The following PCDH7 variants were observed in gnomAD, a reference collection of about 807,000 sequenced individuals.
PCDH7 encodes the protein protocadherin-7.
A neutral mutation model predicts 58.9 loss-of-function variants in PCDH7; 17 were observed. The observed-to-expected ratio is 0.29, with a 90% CI of 0.20 to 0.43. PCDH7 has a LOEUF of 0.43. PCDH7 is among the 20% of genes least tolerant of loss of function. The probability of loss-of-function intolerance (pLI) is 1.00; values close to 1 mark genes in which losing one functional copy is unlikely to be tolerated. For missense variants in PCDH7, 1,274 were observed against 1,441.0 expected (o/e 0.88, Z 1.88); for synonymous variants, 664 against 616.4 (o/e 1.08, Z -1.14).
chr4:30,921,594 A>C (rs1336905141), intron 2 of PCDH7, among the ~76,000 whole-genome samples: 1 of 152,072 alleles, frequency 6.6e-6, no homozygotes, highest in East Asian at 1.9e-4. Flanking sequence ...TCAGGGTCTG[A>C]TGATTGACGT....
chr4:31,082,201 C>G (rs945994016), intron 3 of PCDH7, among the ~76,000 whole-genome samples: 10 of 152,158 alleles, frequency 6.6e-5, no homozygotes, highest in African/African-American at 2.4e-4. Context: ...GATACAAGTG[C>G]TAAGTGAATC....
intron 1 of PCDH7, among the ~76,000 whole-genome samples, chr4:30,738,311 G>A (rs1040810617): frequency 6.6e-6 from 1 of 151,614 alleles, no homozygotes; most frequent in Non-Finnish European, 1.5e-5. Flanking sequence ...TCCATTCCTG[G>A]GAAAGTACGC....
At chr4:30,821,019 A>G (rs1243066798) in intron 1 of PCDH7, among the ~76,000 whole-genome samples, 1 of 152,198 alleles carries the variant, frequency 6.6e-6, no homozygotes, top group African/African-American at 2.4e-5. Flanking sequence ...CACAATGTAC[A>G]ACACCTCTTG....
At chr4:30,889,137 C>CAAA (rs371917620) in intron 1 of PCDH7, among the ~76,000 whole-genome samples, 4 of 49,966 alleles carry the variant, frequency 8.0e-5, no homozygotes, top group East Asian at 7.1e-4. Context: ...GCAGATATCT[C>CAAA]AAAAAAAAAA....
At chr4:31,142,216 A>G (rs1720347795) in intron 3 of PCDH7, among the ~76,000 whole-genome samples, 1 of 152,082 alleles carries the variant, frequency 6.6e-6, no homozygotes. Flanking sequence ...ACACACATAT[A>G]TCTGTTTCAT....
intron 1 of PCDH7, among the ~76,000 whole-genome samples, chr4:30,893,951 C>T (rs1387175518): frequency 6.6e-6 from 1 of 152,020 alleles, no homozygotes; most frequent in African/African-American, 2.4e-5. Flanking sequence ...TACAGGGAGG[C>T]CACCAATGGC....
intron 1 of PCDH7, among the ~76,000 whole-genome samples, chr4:30,919,441 G>T (rs979089837): frequency 1.3e-5 from 2 of 152,086 alleles, no homozygotes; most frequent in Non-Finnish European, 2.9e-5. Context: ...CAAATTAAAG[G>T]CTGTACATGA....
At chr4:30,856,324 C>T (rs1176991112) in intron 1 of PCDH7, among the ~76,000 whole-genome samples, 1 of 152,070 alleles carries the variant, frequency 6.6e-6, no homozygotes, top group Non-Finnish European at 1.5e-5. Context: ...TCTCCCACCA[C>T]GTATGTACTG....
chr4:30,755,717 C>G (rs980577713), intron 1 of PCDH7, among the ~76,000 whole-genome samples: 1 of 152,218 alleles, frequency 6.6e-6, no homozygotes, highest in East Asian at 1.9e-4. Flanking sequence ...GCTCACAGTT[C>G]CACAGTCTGT....
Position 31,077,423 on chromosome 4 carries a change from A to C in PCDH7, c.*8-65050A>C, listed in dbSNP as rs1244182794. 3.3e-5 allele frequency among the ~76,000 whole-genome samples: 5 copies of C among 151,684 alleles called. 1 individual carries two copies. The South Asian group carries it at 1.0e-3, about 31-fold the overall frequency. On this transcript the variant is annotated intron_variant, in intron 3 of 3. Transcript: ENST00000509759. ...AAACTCCATCTCAAAAAAAAAAAAA[A>C]AGAAAAAGAAAAAAAGAAAAAAAAT... is the stretch of plus-strand genomic sequence containing the variant.
At chr4:31,027,202 A>G (rs959218085) in intron 3 of PCDH7, among the ~76,000 whole-genome samples, 4 of 152,012 alleles carry the variant, frequency 2.6e-5, no homozygotes, top group Non-Finnish European at 5.9e-5. Context: ...AATCCCCCCA[A>G]GGACTCTTTA....
intron 1 of PCDH7, among the ~76,000 whole-genome samples, chr4:30,790,933 A>T (rs1724040496): frequency 1.3e-5 from 2 of 151,434 alleles, no homozygotes; most frequent in Admixed American, 1.3e-4. Flanking sequence ...AAAAAAAACA[A>T]AACAAAACAA....
intron 1 of PCDH7, among the ~76,000 whole-genome samples, chr4:30,898,193 T>A (rs781198307): frequency 1.3e-5 from 2 of 152,196 alleles, no homozygotes; most frequent in Non-Finnish European, 2.9e-5. Context: ...AGATTGCATT[T>A]GAGGGGCCTT....
Position 30,722,744 on chromosome 4 carries a change from C to T in PCDH7, c.1322C>T (p.Pro441Leu). Residue 441 changes from proline (P) to leucine (L), a missense_variant, in exon 1 of 2, where the codon CCC becomes CTC. Physicochemically the swap from Pro to Leu is moderately conservative, Grantham distance 98 (BLOSUM62 -3). Transcript: ENST00000361762. The surrounding 1 kb of genome is among the most constrained non-coding windows in gnomAD (Gnocchi z 7.6). ...GCCGAGGACGTTCTGGTCGACACCC[C>T]CATCGCTCTGGTGCAGGTGTCCGAC... 6.2e-7 allele frequency: 1 copy of T among 1,613,488 alleles called. No individual in the cohort carries two copies. Among genetic ancestry groups the T allele is most frequent in the African/African-American group, 1.3e-5 (1 of 75,064 alleles).
intron 3 of PCDH7, among the ~76,000 whole-genome samples, chr4:30,997,157 GAAAATTTACCAGCTAAAGAGCGATATAAT>G (rs1751968148): frequency 6.6e-6 from 1 of 151,722 alleles, no homozygotes; most frequent in Non-Finnish European, 1.5e-5. Context: ...ATCTTTATGG[GAAAATTTACCAGCTAAAGAGCGATATAAT>G]AAAGTGGTTG....
rs189651088 is a variant in PCDH7, at chr4:31,053,859, T to C, written c.*8-88614T>C. Among the ~76,000 whole-genome samples, 735 of 152,126 alleles carry C rather than the reference T, an allele frequency of 4.8e-3. 4 individuals carry two copies. The highest frequency in any genetic ancestry group is 8.1e-3 in the Admixed American group (124 of 15,294). On this transcript the variant is annotated intron_variant, in intron 3 of 3. Transcript: ENST00000509759. ...AAGTATATAAAATAATATATAAAAA[T>C]ATGTTATATATAAAAACTAGGTTAC...
chr4:31,034,280 T>G (rs989353858), intron 3 of PCDH7, among the ~76,000 whole-genome samples: 2 of 152,202 alleles, frequency 1.3e-5, no homozygotes, highest in African/African-American at 4.8e-5. Context: ...CAGAGGCATA[T>G]TAAATGCTTC....
intron 1 of PCDH7, among the ~76,000 whole-genome samples, chr4:30,877,439 T>A (rs1026004700): frequency 3.9e-5 from 6 of 152,166 alleles, no homozygotes; most frequent in African/African-American, 1.4e-4. Context: ...AAGAGGAAGT[T>A]GTAGCTATCA....
chr4:31,102,792 A>G (rs1715067398), intron 3 of PCDH7, among the ~76,000 whole-genome samples: 1 of 152,124 alleles, frequency 6.6e-6, no homozygotes, highest in South Asian at 2.1e-4. Context: ...TGTAACTTTT[A>G]TTTCCTGTGC....
Sources: allele counts gnomAD v4.1 joint callset (sites outside exome capture counted in the v4.1 genomes callset), GRCh38; gene constraint gnomAD v4.1.1; non-coding constraint Gnocchi (gnomAD v3.1); transcripts MANE v1.5; gene names NCBI Gene and HGNC (gene_info 2026-07-23, HGNC 2026-07-21).